The following CLCN5 variants were observed in gnomAD, a reference collection of about 807,000 sequenced individuals.
CLCN5 encodes the protein Cl-/H+ antiporter 5, also known as H(+)/Cl(-) exchange transporter 5.
A neutral mutation model predicts 54.0 loss-of-function variants in CLCN5; 17 were observed. That is an observed-to-expected ratio of 0.31 (90% CI 0.22 to 0.47). The LOEUF is 0.47. Ranked by LOEUF, CLCN5 falls within the 20% of genes least tolerant of loss-of-function variation. CLCN5 has a pLI of 1.00. For missense variants in CLCN5, 448 were observed against 646.7 expected (o/e 0.69, Z 3.33); for synonymous variants, 222 against 233.0 (o/e 0.95, Z 0.43).
chrX:50,038,239 A>G (rs1932077874), intron 3 of CLCN5, among the ~76,000 whole-genome samples: 2 of 112,121 alleles, frequency 1.8e-5, no homozygotes, highest in African/African-American at 6.5e-5. Context: ...ATTGAATGAA[A>G]TGAATTCAGT....
At chrX:49,960,463 C>G (rs1350992187) in intron 3 of CLCN5, among the ~76,000 whole-genome samples, 1 of 108,601 alleles carries the variant, frequency 9.2e-6, no homozygotes, top group Non-Finnish European at 1.9e-5. Flanking sequence ...TTACCACACC[C>G]CTCAGGCCTC....
At chrX:50,035,356 T>TTGATTA (rs1330069843) in intron 3 of CLCN5, among the ~76,000 whole-genome samples, 1 of 111,540 alleles carries the variant, frequency 9.0e-6, no homozygotes, top group Non-Finnish European at 1.9e-5. Context: ...TATAAATATG[T>TTGATTA]TGATTACCTC....
chrX:49,940,077 TTCAAA>T (rs782304526), intron 3 of CLCN5, among the ~76,000 whole-genome samples: 38 of 111,396 alleles, frequency 3.4e-4, no homozygotes, highest in African/African-American at 1.2e-3. Flanking sequence ...CAGAATTGGA[TTCAAA>T]TCCTAGCTCC....
chrX:49,972,740 A>G (rs1410754241), intron 3 of CLCN5, among the ~76,000 whole-genome samples: 1 of 111,970 alleles, frequency 8.9e-6, no homozygotes, highest in African/African-American at 3.2e-5. Context: ...TGACTTTTCT[A>G]CTTTATGAGT....
intron 3 of CLCN5, among the ~76,000 whole-genome samples, chrX:49,965,295 T>C (rs1392824889): frequency 8.0e-5 from 9 of 112,057 alleles, no homozygotes; most frequent in African/African-American, 2.9e-4. Context: ...TTATGTAGGT[T>C]GTATTCCATT....
intron 10 of CLCN5, 65 bp downstream of exon 10, chrX:50,086,125 C>T (rs1557193855): frequency 2.1e-6 from 2 of 968,700 alleles, no homozygotes; most frequent in South Asian, 1.9e-5. Context: ...CATTGCAGCG[C>T]AATAATTTTG....
At chrX:50,089,822 T>G (rs1205903174) in intron 12 of CLCN5, among the ~76,000 whole-genome samples, 1 of 112,026 alleles carries the variant, frequency 8.9e-6, no homozygotes, top group Non-Finnish European at 1.9e-5. Flanking sequence ...AAGATGGCAG[T>G]TGCAGTTAGT....
intron 4 of CLCN5, among the ~76,000 whole-genome samples, chrX:50,053,279 C>A (rs1467269385): frequency 9.0e-6 from 1 of 111,527 alleles, no homozygotes; most frequent in East Asian, 2.8e-4. Context: ...TAGTTTGTGT[C>A]TTTCAAGTAG....
At chrX:49,923,056 C>T (rs1010276001) in intron 1 of CLCN5, among the ~76,000 whole-genome samples, 29 of 113,099 alleles carry the variant, frequency 2.6e-4, no homozygotes, top group African/African-American at 8.3e-4. Context: ...CTGGGTTGCC[C>T]GAGCGAAGTT....
chrX:49,927,742 T>C (rs1925423567), intron 3 of CLCN5, among the ~76,000 whole-genome samples: 1 of 112,120 alleles, frequency 8.9e-6, no homozygotes, highest in African/African-American at 3.2e-5. Context: ...ATAGCCAAGA[T>C]AGGAAATCAA....
chrX:49,949,577 A>G (rs1926925753), intron 3 of CLCN5, among the ~76,000 whole-genome samples: 1 of 111,540 alleles, frequency 9.0e-6, no homozygotes, highest in Non-Finnish European at 1.9e-5. Flanking sequence ...TTATCCCCAG[A>G]CTTTTTCAGT....
rs1557193935 is a variant in CLCN5, at chrX:50,086,468, T to C, written c.1155T>C (p.His385=). 1 of 1,209,026 alleles carries C rather than the reference T, an allele frequency of 8.3e-7. No individual in the cohort carries two copies. Among genetic ancestry groups the C allele is most frequent in the Admixed American group, 2.2e-5 (1 of 45,510 alleles). The change falls in exon 11 of 15, where the codon CAT becomes CAC. Residue 385 remains histidine (H), a synonymous_variant. Coordinates refer to ENST00000376091, the MANE Select transcript of CLCN5 (RefSeq NM_001127898.4). ...LFYVEFHTPW[H]LFELVPFILL... ...ATGTGGAGTTTCACACCCCATGGCA[T>C]CTCTTTGAGCTCGTGCCATTCATTC...
chrX:49,928,061 A>G (rs1925440433), intron 3 of CLCN5, among the ~76,000 whole-genome samples: 2 of 112,180 alleles, frequency 1.8e-5, no homozygotes, highest in African/African-American at 3.2e-5. Flanking sequence ...ACATACAGCT[A>G]GAGAGAAGGA....
intron 3 of CLCN5, among the ~76,000 whole-genome samples, chrX:49,933,262 A>G (rs1321654875): frequency 1.8e-5 from 2 of 112,338 alleles, no homozygotes; most frequent in East Asian, 5.5e-4. Context: ...TAAAAAATTT[A>G]AAAAGAAATG....
intron 3 of CLCN5, among the ~76,000 whole-genome samples, chrX:49,982,599 G>A (rs1265780187): frequency 9.0e-6 from 1 of 111,629 alleles, no homozygotes; most frequent in African/African-American, 3.3e-5. Context: ...TAAGAGGTAC[G>A]GCTCTAGAAT....
At chrX:50,040,582 G>A (rs1417494426) in intron 3 of CLCN5, among the ~76,000 whole-genome samples, 1 of 111,512 alleles carries the variant, frequency 9.0e-6, no homozygotes. Flanking sequence ...ATATTTATGC[G>A]GTACAGTGTG....
chrX:49,941,403 A>T (rs1569536849), intron 3 of CLCN5, among the ~76,000 whole-genome samples: 1 of 111,515 alleles, frequency 9.0e-6, no homozygotes, highest in African/African-American at 3.3e-5. Flanking sequence ...GTCAACTCAG[A>T]ATACTTTATT....
chrX:49,975,207 A>G lies in CLCN5; in HGVS notation c.16+49893A>G, dbSNP rs782140119. ...GCAATGACCTTGAGTAGTAGGATAT[A>G]AATAACTCCTACATCCTTAGCGTTC... On this transcript the variant is annotated intron_variant, in intron 3 of 14. Coordinates refer to ENST00000376091, the MANE Select transcript of CLCN5 (RefSeq NM_001127898.4). 2.7e-5 allele frequency among the ~76,000 whole-genome samples: 3 copies of G among 111,726 alleles called. No individual in the cohort carries two copies. In the South Asian group the frequency reaches 1.1e-3, roughly 43 times the overall value.
At chrX:50,087,692 C>T (rs953089018) in intron 11 of CLCN5, among the ~76,000 whole-genome samples, 3 of 111,521 alleles carry the variant, frequency 2.7e-5, no homozygotes, top group Non-Finnish European at 5.7e-5. Context: ...TCTAAGATGA[C>T]GCCATCCATC....
Sources: allele counts gnomAD v4.1 joint callset (sites outside exome capture counted in the v4.1 genomes callset), GRCh38; gene constraint gnomAD v4.1.1; transcripts MANE v1.5; gene names NCBI Gene and HGNC (gene_info 2026-07-23, HGNC 2026-07-21).